Variants in KIAA0753 observed in about 807,000 individuals in gnomAD.
KIAA0753 encodes the protein KIAA0753.
A neutral mutation model predicts 116.9 loss-of-function variants in KIAA0753; 114 were observed. The observed-to-expected ratio is 0.98, with a 90% CI of 0.84 to 1.14. The LOEUF (loss-of-function observed/expected upper bound fraction) is 1.14, where lower values mean the gene tolerates loss of function less well. Among genes scored for constraint, KIAA0753 ranks in the 50% most tolerant of loss-of-function variants. The probability of loss-of-function intolerance (pLI) is 0.00; values close to 1 mark genes in which losing one functional copy is unlikely to be tolerated. For missense variants in KIAA0753, 1,156 were observed against 1,172.4 expected, an observed-to-expected ratio of 0.99 and a Z score of 0.20; for synonymous variants, 405 against 413.1, an observed-to-expected ratio of 0.98 and a Z score of 0.24.
rs766182009 is a variant in KIAA0753, at chr17:6,609,976, C to G, written c.1712+18G>C. On this transcript the variant is annotated intron_variant, in intron 9 of 18. Transcript: ENST00000361413. ...AAGAGCATCACATACACAAACGGTC[C>G]CTTGAGTTTTCACATACCATTTAGG... 5.0e-6 allele frequency: 8 copies of G among 1,612,902 alleles called. No homozygotes were observed. Among genetic ancestry groups the G allele is most frequent in the Non-Finnish European group, 6.8e-6 (8 of 1,179,300 alleles).
chr17:6,583,428 T>C (rs1300418867), intron 18 of KIAA0753, among the ~76,000 whole-genome samples: 2 of 152,196 alleles, frequency 1.3e-5, no homozygotes, highest in Non-Finnish European at 2.9e-5. Context: ...CATTATCTCT[T>C]GGGATGTTGT....
intron 7 of KIAA0753, among the ~76,000 whole-genome samples, chr17:6,613,862 C>T (rs779310542): frequency 3.3e-5 from 5 of 152,160 alleles, no homozygotes; most frequent in Non-Finnish European, 7.3e-5. Flanking sequence ...CATATTTGAA[C>T]TTAATTGGAC....
intron 2 of KIAA0753, chr17:6,634,731 A>G (rs1972205923): frequency 4.0e-6 from 1 of 252,138 alleles, no homozygotes; most frequent in Non-Finnish European, 7.8e-6. Flanking sequence ...TCCATTTCTT[A>G]TAAGAAATGG....
chr17:6,635,212 C>A, intron 1 of KIAA0753, 41 bp from the exon 2 acceptor site: 1 of 789,280 alleles, frequency 1.3e-6, no homozygotes, highest in Non-Finnish European at 2.2e-6. Context: ...CAGCGTTGAA[C>A]AAGGGAAAAG....
chr17:6,619,299 G>A (rs992072668), intron 7 of KIAA0753, among the ~76,000 whole-genome samples: 1 of 152,112 alleles, frequency 6.6e-6, no homozygotes, highest in Non-Finnish European at 1.5e-5. Flanking sequence ...TAACTCAAGG[G>A]GGTAATTTCT....
intron 10 of KIAA0753, 104 bp from the exon 11 acceptor site, chr17:6,607,374 C>A: frequency 1.2e-6 from 1 of 853,336 alleles, no homozygotes; most frequent in Non-Finnish European, 2.0e-6. Flanking sequence ...AGCAGAGCAC[C>A]AATCCAGGCT....
chr17:6,612,893 C>T (rs1203791630), intron 7 of KIAA0753, among the ~76,000 whole-genome samples: 1 of 152,034 alleles, frequency 6.6e-6, no homozygotes, highest in African/African-American at 2.4e-5. Context: ...TAAATACATA[C>T]ATACATAAAT....
intron 10 of KIAA0753, among the ~76,000 whole-genome samples, chr17:6,607,563 T>C (rs974571059): frequency 1.3e-5 from 2 of 152,206 alleles, no homozygotes; most frequent in African/African-American, 4.8e-5. Flanking sequence ...AAACCATTGC[T>C]ATATCTTCAA....
rs367643864 is a variant in KIAA0753 at position 6,628,523 on chromosome 17, G to A, written c.312C>T (p.Ala104=). ...QERLSYAVHL[A]RRDVKRRQFE... ...ATTGTCTTCGTTTCACATCTCTTCT[G>A]GCTAGGTGGACAGCATAGCTAAGTC... is the stretch of plus-strand genomic sequence containing the variant. The change falls in exon 3 of 19, where the codon GCC becomes GCT. Residue 104 remains alanine (A), a synonymous_variant. Transcript: ENST00000361413. 2 of 1,614,080 alleles carry A rather than the reference G, an allele frequency of 1.2e-6. No homozygotes were observed. Among genetic ancestry groups the A allele is most frequent in the African/African-American group, 1.3e-5 (1 of 74,920 alleles).
intron 7 of KIAA0753, among the ~76,000 whole-genome samples, chr17:6,612,805 T>C (rs1970643543): frequency 6.6e-6 from 1 of 152,130 alleles, no homozygotes; most frequent in Non-Finnish European, 1.5e-5. Context: ...GAGACAGAGG[T>C]TGCAGTGAGC....
At chr17:6,632,638 A>G (rs1158375878) in intron 2 of KIAA0753, among the ~76,000 whole-genome samples, 2 of 152,354 alleles carry the variant, frequency 1.3e-5, no homozygotes, top group Non-Finnish European at 2.9e-5. Flanking sequence ...TTTACAATGA[A>G]AAAACCAGGC....
At chr17:6,582,160 C>T (rs1968226870) in intron 18 of KIAA0753, among the ~76,000 whole-genome samples, 1 of 152,174 alleles carries the variant, frequency 6.6e-6, no homozygotes. Flanking sequence ...ACTTATTTGA[C>T]CAATCCTAAA....
chr17:6,623,973 G>C (rs964833771), intron 4 of KIAA0753: 2 of 157,744 alleles, frequency 1.3e-5, no homozygotes, highest in Non-Finnish European at 2.8e-5. Context: ...TCATGTTTTA[G>C]AGCAATCTCT....
chr17:6,581,747 T>G (rs1372711835), intron 18 of KIAA0753, among the ~76,000 whole-genome samples: 1 of 152,260 alleles, frequency 6.6e-6, no homozygotes, highest in Non-Finnish European at 1.5e-5. Context: ...CCATTACTAT[T>G]ATTACATATT....
intron 11 of KIAA0753, 28 bp from the exon 12 acceptor site, chr17:6,606,990 A>C (rs1172462204): frequency 6.3e-7 from 1 of 1,599,476 alleles, no homozygotes; most frequent in South Asian, 1.1e-5. Flanking sequence ...GAGTCACCCC[A>C]ACTCTCCTCA....
At chr17:6,632,508 C>A (rs1456894103) in intron 2 of KIAA0753, among the ~76,000 whole-genome samples, 1 of 152,038 alleles carries the variant, frequency 6.6e-6, no homozygotes, top group African/African-American at 2.4e-5. Flanking sequence ...ATTTGCCAAC[C>A]ACCATAATAA....
chr17:6,625,899 G>A (rs1971637119), intron 3 of KIAA0753, among the ~76,000 whole-genome samples: 1 of 152,094 alleles, frequency 6.6e-6, no homozygotes, highest in African/African-American at 2.4e-5. Flanking sequence ...ACAAGGTTTT[G>A]GCCTGTTGGC....
At chr17:6,609,245 TC>T (rs1773575184) in intron 9 of KIAA0753, among the ~76,000 whole-genome samples, 1 of 152,218 alleles carries the variant, frequency 6.6e-6, no homozygotes, top group East Asian at 1.9e-4. Flanking sequence ...TTCTCCCTTC[TC>T]CCCTGACATG....
intron 2 of KIAA0753, among the ~76,000 whole-genome samples, chr17:6,631,649 G>C (rs980051306): frequency 6.6e-6 from 1 of 152,082 alleles, no homozygotes; most frequent in African/African-American, 2.4e-5. Context: ...TGTGAGTACG[G>C]GTGTGCATTT....
Sources: gnomAD v4.1 joint callset for allele counts (sites outside exome capture counted in the v4.1 genomes callset) on GRCh38, gnomAD v4.1.1 for gene constraint, MANE v1.5 for transcripts, NCBI Gene and HGNC (gene_info 2026-07-23, HGNC 2026-07-21) for gene names.